Variants in FAM3D observed in about 807,000 individuals in gnomAD.
FAM3D encodes the protein protein FAM3D.
A neutral mutation model predicts 29.8 loss-of-function variants in FAM3D; 26 were observed. That is an observed-to-expected ratio of 0.87 (90% confidence interval 0.64 to 1.21). The LOEUF (loss-of-function observed/expected upper bound fraction) is 1.21. Ranked by LOEUF, FAM3D falls within the 50% of genes most tolerant of loss-of-function variation. The pLI is 0.00. For synonymous variants in FAM3D, 115 were observed against 102.3 expected, an observed-to-expected ratio of 1.12 and a Z score of -0.75; for missense variants, 253 against 290.9, an observed-to-expected ratio of 0.87 and a Z score of 0.95.
intron 6 of FAM3D, among the ~76,000 whole-genome samples, chr3:58,641,523 T>A (rs2066334706): frequency 6.6e-6 from 1 of 152,178 alleles, no homozygotes; most frequent in South Asian, 2.1e-4. Flanking sequence ...CCCAGCTAAT[T>A]TTTTTACTTT....
At chr3:58,638,218 T>C (rs535074483) in intron 7 of FAM3D, among the ~76,000 whole-genome samples, 1 of 152,350 alleles carries the variant, frequency 6.6e-6, no homozygotes, top group African/African-American at 2.4e-5. Context: ...TCACCTTCCC[T>C]GCATAACAAG....
At chr3:58,652,785 C>G (rs1210318547) in intron 3 of FAM3D, among the ~76,000 whole-genome samples, 2 of 151,612 alleles carry the variant, frequency 1.3e-5, no homozygotes, top group African/African-American at 4.8e-5. Context: ...CTCCATCTAC[C>G]CATCCAACCA....
At chr3:58,665,309 C>T (rs1055669844) in intron 1 of FAM3D, among the ~76,000 whole-genome samples, 2 of 151,982 alleles carry the variant, frequency 1.3e-5, no homozygotes, top group African/African-American at 4.8e-5. Context: ...CCTGCTTGAG[C>T]TGCTCTGCCC....
At chr3:58,640,088 A>C in intron 7 of FAM3D, 39 bp downstream of exon 7, 2 of 1,611,162 alleles carry the variant, frequency 1.2e-6, no homozygotes, top group Non-Finnish European at 1.7e-6. Context: ...TCTGCACCGC[A>C]CCCCCGACTG....
At chr3:58,642,062 G>A (rs1260482865) in intron 6 of FAM3D, among the ~76,000 whole-genome samples, 3 of 152,132 alleles carry the variant, frequency 2.0e-5, no homozygotes, top group Non-Finnish European at 2.9e-5. Context: ...ACAAAAGAGC[G>A]CTCTGAGACC....
At chr3:58,662,421 T>A (rs970218140) in intron 1 of FAM3D, among the ~76,000 whole-genome samples, 1 of 152,234 alleles carries the variant, frequency 6.6e-6, no homozygotes, top group Non-Finnish European at 1.5e-5. Context: ...GAAGTAATAA[T>A]CTTAATAACA....
At chr3:58,655,819 A>G (rs2066778422) in intron 1 of FAM3D, among the ~76,000 whole-genome samples, 1 of 152,130 alleles carries the variant, frequency 6.6e-6, no homozygotes, top group Admixed American at 6.5e-5. Flanking sequence ...TCAATTCTCC[A>G]TGTTTTTTTG....
chr3:58,645,677 GGGGGAGAAGGA>G (rs756988687), intron 4 of FAM3D, 51 bp from the exon 5 acceptor site: 42 of 1,515,842 alleles, frequency 2.8e-5, no homozygotes, highest in Non-Finnish European at 3.4e-5. Flanking sequence ...GGAGGTACTT[GGGGGAGAAGGA>G]GGGGAGGGCC....
rs1260936138 is a variant in FAM3D at position 58,655,477 on chromosome 3, CA to C, written c.13+73del. The C allele has an allele frequency of 5.0e-6, 8 of 1,595,346 alleles. No homozygotes were observed. In the East Asian group the frequency reaches 1.8e-4, roughly 36 times the overall value. ...CTGACCATTTGAGAACAGATACAGC[CA>C]AATCACTGTGAGCCCAGGATGGGTG... On this transcript the variant is annotated intron_variant, in intron 2 of 9. Coordinates refer to ENST00000358781, the MANE Select transcript of FAM3D (RefSeq NM_138805.3).
intron 1 of FAM3D, among the ~76,000 whole-genome samples, chr3:58,662,276 G>A (rs928436558): frequency 6.6e-6 from 1 of 152,216 alleles, no homozygotes; most frequent in African/African-American, 2.4e-5. Context: ...ATTCATTTCC[G>A]TCTGAGACAG....
At chr3:58,663,153 C>T (rs2066964563) in intron 1 of FAM3D, among the ~76,000 whole-genome samples, 1 of 152,252 alleles carries the variant, frequency 6.6e-6, no homozygotes, top group South Asian at 2.1e-4. Context: ...CCTGCCTTGG[C>T]CTCCTGAAGT....
intron 1 of FAM3D, among the ~76,000 whole-genome samples, chr3:58,659,184 G>T (rs940062824): frequency 6.6e-6 from 1 of 152,134 alleles, no homozygotes; most frequent in East Asian, 1.9e-4. Flanking sequence ...GTCCTGGCAG[G>T]GTCCACTCAT....
intron 1 of FAM3D, among the ~76,000 whole-genome samples, chr3:58,660,103 A>G (rs1432392397): frequency 6.6e-6 from 1 of 152,242 alleles, no homozygotes; most frequent in Non-Finnish European, 1.5e-5. Flanking sequence ...AGATAGTGAC[A>G]GGGCTGAGGG....
Position 58,634,462 on chromosome 3 carries a change from G to T in FAM3D, c.586-94C>A, listed in dbSNP as rs2066104612. 3 of 1,111,600 alleles carry T rather than the reference G, an allele frequency of 2.7e-6. No homozygotes were observed. The highest frequency in any genetic ancestry group is 1.4e-5 in the South Asian group (1 of 71,196). 68.9% of individuals were successfully genotyped at this position (1,111,600 alleles called of 1,614,324 possible). ...CACTGTGCTCTAAACCTAAATGGGGGTGTGGGATGTTATTAACCCACTTCA... is the reference window on the plus strand; with the variant it reads ...CACTGTGCTCTAAACCTAAATGGGGTTGTGGGATGTTATTAACCCACTTCA... On this transcript the variant is annotated intron_variant, in intron 9 of 9. Transcript: ENST00000358781. The surrounding 1 kb of genome is among the most constrained non-coding windows in gnomAD (Gnocchi z 4.6).
intron 2 of FAM3D, among the ~76,000 whole-genome samples, chr3:58,655,132 G>A (rs1038443162): frequency 1.3e-5 from 2 of 152,172 alleles, no homozygotes; most frequent in African/African-American, 4.8e-5. Context: ...TGTAAATGAG[G>A]CAGGTGCATT....
At chr3:58,638,869 G>A (rs1469997332) in intron 7 of FAM3D, among the ~76,000 whole-genome samples, 1 of 152,180 alleles carries the variant, frequency 6.6e-6, no homozygotes, top group Non-Finnish European at 1.5e-5. Flanking sequence ...ACAAAAGGAG[G>A]GAGCTCTTAA....
At chr3:58,639,839 A>G (rs2066278365) in intron 7 of FAM3D, among the ~76,000 whole-genome samples, 1 of 152,200 alleles carries the variant, frequency 6.6e-6, no homozygotes, top group Non-Finnish European at 1.5e-5. Flanking sequence ...GGCTGAGGAC[A>G]GGGTTCCAGC....
At chr3:58,647,354 T>C (rs958398311) in intron 4 of FAM3D, among the ~76,000 whole-genome samples, 6 of 152,306 alleles carry the variant, frequency 3.9e-5, no homozygotes, top group Admixed American at 3.3e-4. Flanking sequence ...GCAGGATCCC[T>C]ATGAAGGGGC....
intron 1 of FAM3D, among the ~76,000 whole-genome samples, chr3:58,665,452 C>A (rs1235950951): frequency 2.6e-5 from 4 of 152,162 alleles, no homozygotes; most frequent in Non-Finnish European, 5.9e-5. Context: ...AGGCTATCTC[C>A]ATGGTGTATG....
Sources: gnomAD v4.1 joint callset for allele counts (sites outside exome capture counted in the v4.1 genomes callset) on GRCh38, gnomAD v4.1.1 for gene constraint, Gnocchi (gnomAD v3.1) non-coding constraint, MANE v1.5 for transcripts, NCBI Gene and HGNC (gene_info 2026-07-23, HGNC 2026-07-21) for gene names.